The following SIK3 variants were observed in gnomAD, a reference collection of about 807,000 sequenced individuals.
SIK3 encodes the protein SIK family kinase 3.
In SIK3, 28 loss-of-function variants were observed where a neutral mutation model predicts 144.2. The observed-to-expected ratio is 0.19, with a 90% CI of 0.14 to 0.27. The LOEUF (loss-of-function observed/expected upper bound fraction) is 0.27. Among genes scored for constraint, SIK3 ranks in the 10% least tolerant of loss-of-function variants. The pLI, the probability that SIK3 is intolerant of heterozygous loss-of-function variation, is 1.00. For missense variants in SIK3, 1,319 were observed against 1,776.0 expected (o/e 0.74, Z 4.62); for synonymous variants, 686 against 676.3 (o/e 1.01, Z -0.22).
chr11:117,063,861 T>C (rs1953905636), intron 1 of SIK3, among the ~76,000 whole-genome samples: 1 of 152,102 alleles, frequency 6.6e-6, no homozygotes, highest in Non-Finnish European at 1.5e-5. Context: ...CCACCACGCC[T>C]GGCCTGAAGT....
intron 3 of SIK3, among the ~76,000 whole-genome samples, chr11:116,945,757 GA>G (rs534121161): frequency 6.6e-6 from 1 of 151,954 alleles, no homozygotes; most frequent in African/African-American, 2.4e-5. Flanking sequence ...GGTGGTAGGG[GA>G]AAAAAATCAC....
intron 3 of SIK3, among the ~76,000 whole-genome samples, chr11:116,941,410 A>T (rs1237135011): frequency 3.8e-4 from 2 of 5,204 alleles, no homozygotes; most frequent in African/African-American, 2.8e-3. Context: ...AAAACATGTA[A>T]AAAAAAAAAA....
At chr11:116,904,732 T>C (rs967578677) in intron 4 of SIK3, 15 of 152,258 alleles carry the variant, frequency 9.9e-5, no homozygotes, top group Admixed American at 6.5e-4. Flanking sequence ...TTCTTTTTAA[T>C]TTTTAAATTT....
intron 1 of SIK3, among the ~76,000 whole-genome samples, chr11:116,990,501 G>C (rs1379788782): frequency 1.3e-5 from 2 of 152,120 alleles, no homozygotes; most frequent in Admixed American, 6.5e-5. Context: ...TAATACCTTA[G>C]TATAACAGTG....
chr11:116,965,783 A>AT (rs1565507822), intron 1 of SIK3, among the ~76,000 whole-genome samples: 4 of 126,262 alleles, frequency 3.2e-5, no homozygotes, highest in African/African-American at 1.2e-4. Context: ...ATATATATAT[A>AT]AATTAGCCAA....
chr11:116,953,570 C>T (rs12289974), intron 3 of SIK3, among the ~76,000 whole-genome samples: 11,050 of 152,186 alleles, frequency 0.073, 495 homozygotes, highest in Middle Eastern at 0.11. Context: ...ACAAGAATTA[C>T]TGAGGGGAAC....
At chr11:116,925,527 G>C (rs1947229882) in intron 4 of SIK3, among the ~76,000 whole-genome samples, 1 of 152,240 alleles carries the variant, frequency 6.6e-6, no homozygotes, top group African/African-American at 2.4e-5. Flanking sequence ...CTTTCACCCT[G>C]TGAGACCCAG....
intron 1 of SIK3, among the ~76,000 whole-genome samples, chr11:117,064,250 G>C (rs1254253043): frequency 6.6e-6 from 1 of 152,142 alleles, no homozygotes; most frequent in Non-Finnish European, 1.5e-5. Flanking sequence ...TAGAGTGCCT[G>C]TATTATCTAA....
At chr11:116,909,690 C>G (rs938223516) in intron 4 of SIK3, among the ~76,000 whole-genome samples, 1 of 152,194 alleles carries the variant, frequency 6.6e-6, no homozygotes, top group Non-Finnish European at 1.5e-5. Flanking sequence ...TTTCTCACCA[C>G]TGATTTCCTA....
At chr11:117,017,611 C>T (rs926333458) in intron 1 of SIK3, among the ~76,000 whole-genome samples, 1 of 152,046 alleles carries the variant, frequency 6.6e-6, no homozygotes, top group Non-Finnish European at 1.5e-5. Flanking sequence ...AGAAGTCACA[C>T]ATGAAGTAAA....
chr11:117,089,099 T>C (rs1955134028), intron 1 of SIK3, among the ~76,000 whole-genome samples: 5 of 151,966 alleles, frequency 3.3e-5, no homozygotes, highest in Admixed American at 3.3e-4. Context: ...ATGCCCTTAA[T>C]AAATGTTTAT....
intron 6 of SIK3, among the ~76,000 whole-genome samples, chr11:116,893,305 C>T (rs672058): frequency 0.77 from 116,682 of 151,780 alleles, 45,885 homozygotes; most frequent in Non-Finnish European, 0.87. Context: ...GGGAGGGAGG[C>T]AGGACAGCAC....
At chr11:117,061,611 A>G (rs1026249487) in intron 1 of SIK3, among the ~76,000 whole-genome samples, 39 of 152,190 alleles carry the variant, frequency 2.6e-4, no homozygotes, top group Admixed American at 2.6e-3. Flanking sequence ...CATAAGGTCT[A>G]TGAACCCATA....
intron 3 of SIK3, among the ~76,000 whole-genome samples, chr11:116,944,965 C>CTT (rs201545149): frequency 0.072 from 10,527 of 145,780 alleles, 457 homozygotes; most frequent in Middle Eastern, 0.11. Context: ...TTTCTTTTTT[C>CTT]TTTTTTTTTT....
chr11:116,861,341 G>C lies in SIK3; in HGVS notation c.2358C>G (p.Asn786Lys), dbSNP rs376357806. ...TACTGGGCTGCCTGAAGAGATGGTT[G>C]TTGGGGTGGTTGGGGGGTGGGCTTG... Reference protein sequence around the residue: ...QPSSPPPNHPNNHLFRQPSNS... With the variant: ...QPSSPPPNHPKNHLFRQPSNS... The change falls in exon 19 of 25, where the codon AAC (asparagine) becomes AAG (lysine). Residue 786 changes from asparagine (N) to lysine (K), a missense_variant. By Grantham distance (94) the Asn-to-Lys change is moderately conservative. Around this residue, in one of 8 missense-constraint regions of SIK3, gnomAD observed 646 missense variants for 763.7 expected, o/e 0.85. Transcript: ENST00000445177. 5.0e-6 allele frequency: 8 copies of C among 1,596,482 alleles called. No individual in the cohort carries two copies. Among genetic ancestry groups the C allele is most frequent in the African/African-American group, 1.4e-5 (1 of 73,276 alleles).
chr11:116,995,636 T>C (rs1347575989), intron 1 of SIK3, among the ~76,000 whole-genome samples: 4 of 152,166 alleles, frequency 2.6e-5, no homozygotes, highest in African/African-American at 7.2e-5. Flanking sequence ...AAGTCCCCAA[T>C]ATTCTAATCG....
chr11:117,066,238 T>C (rs1954012085), intron 1 of SIK3, among the ~76,000 whole-genome samples: 1 of 151,872 alleles, frequency 6.6e-6, no homozygotes, highest in South Asian at 2.1e-4. Context: ...CTGGCTAATT[T>C]TTGTATTTTC....
In SIK3 at chr11:116,858,748, C is replaced by G; in HGVS notation, c.2766-49G>C. 2 of 1,513,840 alleles carry G rather than the reference C, an allele frequency of 1.3e-6. No individual in the cohort carries two copies. Among genetic ancestry groups the G allele is most frequent in the Non-Finnish European group, 1.8e-6 (2 of 1,131,662 alleles). 93.8% of individuals were successfully genotyped at this position (1,513,840 alleles called of 1,614,324 possible). A position where few individuals can be genotyped will look rare whatever the true frequency, so the allele number is the denominator to read the frequency against. ...AGACATCCATGTAACAAGTACTAGACTTCCTGGGAACAGCTCCTCCTCCTC... is the reference window on the plus strand; with the variant it reads ...AGACATCCATGTAACAAGTACTAGAGTTCCTGGGAACAGCTCCTCCTCCTC... On this transcript the variant is annotated intron_variant, in intron 20 of 24. Coordinates refer to ENST00000445177, the MANE Select transcript of SIK3 (RefSeq NM_001366686.3). This position sits in a 1 kb window ranked among gnomAD's most constrained non-coding sequence, Gnocchi z 5.4.
At chr11:116,916,375 C>T (rs1162618186) in intron 4 of SIK3, among the ~76,000 whole-genome samples, 1 of 152,172 alleles carries the variant, frequency 6.6e-6, no homozygotes, top group Non-Finnish European at 1.5e-5. Context: ...TATTTCAGAA[C>T]TCATAAATGA....
Sources: allele counts gnomAD v4.1 joint callset (sites outside exome capture counted in the v4.1 genomes callset), GRCh38; gene constraint gnomAD v4.1.1; regional missense constraint gnomAD v4.1.1; non-coding constraint Gnocchi (gnomAD v3.1); transcripts MANE v1.5; gene names NCBI Gene and HGNC (gene_info 2026-07-23, HGNC 2026-07-21).